Variants in MAP3K20 observed in about 807,000 individuals in gnomAD.
MAP3K20 encodes mitogen-activated protein kinase kinase kinase 20, also known as HCCS-4.
In MAP3K20, 40 loss-of-function variants were observed where a neutral mutation model predicts 85.7. The observed-to-expected ratio is 0.47, with a 90% CI of 0.36 to 0.61. The LOEUF is 0.61. Among genes scored for constraint, MAP3K20 ranks in the 20% least tolerant of loss-of-function variants. MAP3K20 has a pLI of 0.00. For synonymous variants in MAP3K20, 325 were observed against 327.7 expected, an observed-to-expected ratio of 0.99 and a Z score of 0.09; for missense variants, 817 against 961.7, an observed-to-expected ratio of 0.85 and a Z score of 1.99.
intron 16 of MAP3K20, among the ~76,000 whole-genome samples, chr2:173,247,329 A>G (rs1173528137): frequency 5.5e-5 from 8 of 146,028 alleles, no homozygotes; most frequent in Admixed American, 2.0e-4. Context: ...AAAACTGTCA[A>G]ATAGGGCTTT....
chr2:173,154,935 G>A (rs937565871), intron 2 of MAP3K20, among the ~76,000 whole-genome samples: 2 of 152,314 alleles, frequency 1.3e-5, no homozygotes, highest in South Asian at 2.1e-4. Flanking sequence ...ATGGAACGTG[G>A]TGTAAAGTAT....
At chr2:173,076,496 G>A (rs1006648111) in intron 1 of MAP3K20, among the ~76,000 whole-genome samples, 29 of 152,348 alleles carry the variant, frequency 1.9e-4, no homozygotes, top group Middle Eastern at 3.4e-3. Flanking sequence ...CTGTGCGTGC[G>A]AGGAGGGACG....
intron 8 of MAP3K20, among the ~76,000 whole-genome samples, chr2:173,199,610 C>G (rs1476777135): frequency 1.3e-5 from 2 of 149,982 alleles, no homozygotes; most frequent in South Asian, 2.1e-4. Flanking sequence ...CCAAAACATT[C>G]AGTGTAATCT....
intron 9 of MAP3K20, among the ~76,000 whole-genome samples, chr2:173,209,496 T>C (rs1341014736): frequency 6.6e-6 from 1 of 152,200 alleles, no homozygotes; most frequent in Non-Finnish European, 1.5e-5. Context: ...GGCCACACGA[T>C]AGAAAACAGC....
chr2:173,112,506 T>G (rs1688004513), intron 2 of MAP3K20, among the ~76,000 whole-genome samples: 1 of 152,188 alleles, frequency 6.6e-6, no homozygotes, highest in Non-Finnish European at 1.5e-5. Context: ...GAGAATGCTT[T>G]CAACTTTTCC....
intron 16 of MAP3K20, among the ~76,000 whole-genome samples, chr2:173,256,486 TAGATAGATAGATAGATA>T: frequency 3.0e-4 from 1 of 3,298 alleles, no homozygotes; most frequent in South Asian, 6.2e-3. Flanking sequence ...AAAAAATAGA[TAGATAGATAGATAGATA>T]GATAGATAGA....
chr2:173,225,929 A>G, intron 11 of MAP3K20: 1 of 984,918 alleles, frequency 1.0e-6, no homozygotes, highest in Non-Finnish European at 1.2e-6. Flanking sequence ...AAGAAAAAAA[A>G]CTCATTGAGA....
chr2:173,159,098 T>C (rs888508777), intron 2 of MAP3K20, among the ~76,000 whole-genome samples: 4 of 152,244 alleles, frequency 2.6e-5, no homozygotes, highest in African/African-American at 9.6e-5. Flanking sequence ...GGGCCATCCA[T>C]TTTGGAACAG....
chr2:173,158,212 C>T (rs1258132740), intron 2 of MAP3K20, among the ~76,000 whole-genome samples: 2 of 152,202 alleles, frequency 1.3e-5, no homozygotes, highest in Non-Finnish European at 2.9e-5. Context: ...GCCTAGCTCA[C>T]AGTAGGTACT....
At chr2:173,221,378 G>A (rs1684243469) in intron 11 of MAP3K20, 2 of 1,613,930 alleles carry the variant, frequency 1.2e-6, no homozygotes, top group African/African-American at 2.7e-5. Context: ...AAACATGCAA[G>A]CCAAGCAGAA....
At chr2:173,221,298 T>A (rs370893736) in intron 11 of MAP3K20, 15 of 1,613,944 alleles carry the variant, frequency 9.3e-6, no homozygotes, top group Non-Finnish European at 9.3e-6. Flanking sequence ...CAGGCCATGA[T>A]GCTGATGGGC....
chr2:173,261,191 A>G (rs1574168057), intron 18 of MAP3K20, 54 bp downstream of exon 18: 9 of 1,563,642 alleles, frequency 5.8e-6, no homozygotes, highest in Non-Finnish European at 7.9e-6. Flanking sequence ...ATGAATATAA[A>G]TTTATCTGTT....
At chr2:173,262,441 A>G (rs931621056) in intron 18 of MAP3K20, among the ~76,000 whole-genome samples, 15 of 152,066 alleles carry the variant, frequency 9.9e-5, no homozygotes, top group African/African-American at 2.7e-4. Context: ...CTCTACTAAT[A>G]ATACAAAAAT....
At chr2:173,098,865 A>G (rs1384941999) in intron 2 of MAP3K20, among the ~76,000 whole-genome samples, 1 of 152,192 alleles carries the variant, frequency 6.6e-6, no homozygotes, top group Non-Finnish European at 1.5e-5. Flanking sequence ...TCACCTGAGA[A>G]TTTGTTAGAA....
intron 16 of MAP3K20, among the ~76,000 whole-genome samples, chr2:173,256,526 T>TAGACAGACAGACAGACAGACAGAC (rs1210473187): frequency 3.0e-5 from 3 of 101,436 alleles, no homozygotes; most frequent in African/African-American, 1.1e-4. Context: ...GATAGATAGA[T>TAGACAGACAGACAGACAGACAGAC]AGATAGACAG....
chr2:173,188,395 A>G (rs1331222742), intron 5 of MAP3K20, among the ~76,000 whole-genome samples: 2 of 152,198 alleles, frequency 1.3e-5, no homozygotes, highest in African/African-American at 2.4e-5. Flanking sequence ...CCTCCAATCA[A>G]TTAATTATTT....
intron 2 of MAP3K20, among the ~76,000 whole-genome samples, chr2:173,141,274 A>G (rs1370919870): frequency 1.3e-5 from 2 of 152,198 alleles, no homozygotes; most frequent in Admixed American, 6.5e-5. Context: ...AGACATGTGA[A>G]GTTGTAATTA....
At chr2:173,237,627 C>T (rs1684684670) in intron 14 of MAP3K20, among the ~76,000 whole-genome samples, 1 of 152,124 alleles carries the variant, frequency 6.6e-6, no homozygotes, top group Non-Finnish European at 1.5e-5. Context: ...CCTTTCCTTT[C>T]AGATTTGTGT....
At chr2:173,196,289 G>C (rs367823113) in intron 7 of MAP3K20, among the ~76,000 whole-genome samples, 17 of 152,278 alleles carry the variant, frequency 1.1e-4, no homozygotes, top group African/African-American at 3.1e-4. Context: ...AGCCAAATGA[G>C]GGGCTCCATT....
Sources: allele counts gnomAD v4.1 joint callset (sites outside exome capture counted in the v4.1 genomes callset), GRCh38; gene constraint gnomAD v4.1.1; transcripts MANE v1.5; gene names NCBI Gene and HGNC (gene_info 2026-07-23, HGNC 2026-07-21).